The following SLC26A2 variants were observed in gnomAD, a reference collection of about 807,000 sequenced individuals.
SLC26A2 encodes the protein solute carrier family 26 member 2.
Under a neutral mutation model 41.1 loss-of-function variants are expected in SLC26A2, and 36 were observed. That is an observed-to-expected ratio of 0.88 (90% CI 0.67 to 1.16). The LOEUF is 1.16. Ranked by LOEUF, SLC26A2 falls within the 50% of genes most tolerant of loss-of-function variation. The pLI is 0.00. For missense variants in SLC26A2, 796 were observed against 869.6 expected, an observed-to-expected ratio of 0.92 and a Z score of 1.07; for synonymous variants, 291 against 311.6, an observed-to-expected ratio of 0.93 and a Z score of 0.70.
chr5:149,973,453 C>CTG (rs1754938216), intron 1 of SLC26A2, among the ~76,000 whole-genome samples: 1 of 151,834 alleles, frequency 6.6e-6, no homozygotes, highest in Non-Finnish European at 1.5e-5. Flanking sequence ...CTCTCTCTCT[C>CTG]TGTGTGTCTC....
At chr5:149,974,722 CTTTTTTTT>C (rs11440508) in intron 1 of SLC26A2, among the ~76,000 whole-genome samples, 1 of 100,894 alleles carries the variant, frequency 9.9e-6, no homozygotes. Context: ...TGCACCCGGC[CTTTTTTTT>C]TTTTTTTTTT....
rs570256137 is a variant in SLC26A2 at position 149,985,512 on chromosome 5, T to G, written c.*3699T>G. ...GTACGTTTAAACAAAACAGCAGTTC[T>G]CTGCTGCAATATTCCCATTGACCAC... is the stretch of plus-strand genomic sequence containing the variant. On this transcript the variant is annotated 3_prime_UTR_variant, in exon 3 of 3. Coordinates refer to ENST00000286298, the MANE Select transcript of SLC26A2 (RefSeq NM_000112.4). 57 of 152,312 alleles carry G rather than the reference T, an allele frequency of 3.7e-4. No individual in the cohort carries two copies. Among genetic ancestry groups the G allele is most frequent in the Middle Eastern group, 3.4e-3 (1 of 294 alleles). 9.4% of individuals were successfully genotyped at this position (152,312 alleles called of 1,614,324 possible).
chr5:149,968,621 C>T (rs1198679660), intron 1 of SLC26A2, among the ~76,000 whole-genome samples: 1 of 149,962 alleles, frequency 6.7e-6, no homozygotes, highest in Non-Finnish European at 1.5e-5. Flanking sequence ...GGGGTTTCAC[C>T]ATGTTAGCCA....
At position 149,963,450 on chromosome 5, in the gene SLC26A2, T is replaced by C. The variant is rs188649297; in HGVS notation, c.-26+2471T>C. The stretch of plus-strand genomic sequence containing the variant: ...TGTGCCACCACGTCCGGCTAATCTT[T>C]TTATTTTTAGTAGAGACGGGGTTTC... On this transcript the variant is annotated intron_variant, in intron 1 of 2. Coordinates refer to ENST00000286298, the MANE Select transcript of SLC26A2 (RefSeq NM_000112.4). Among the ~76,000 whole-genome samples, 277 of 152,256 alleles carry C rather than the reference T, an allele frequency of 1.8e-3. 1 individual carries two copies. The highest frequency in any genetic ancestry group is 6.4e-3 in the African/African-American group (266 of 41,556).
chr5:149,982,753 G>T lies in SLC26A2; in HGVS notation c.*940G>T, dbSNP rs1755132171. 1.3e-5 allele frequency: 2 copies of T among 152,236 alleles called. No individual in the cohort carries two copies. The highest frequency in any genetic ancestry group is 2.4e-5 in the African/African-American group (1 of 41,534). The allele number at this position is 152,236 out of a possible 1,614,324, so 9.4% of individuals were successfully genotyped here. A position where few individuals can be genotyped will look rare whatever the true frequency, so the allele number is the denominator to read the frequency against. On this transcript the variant is annotated 3_prime_UTR_variant, in exon 3 of 3. Transcript: ENST00000286298. ...ATGAGTTTGATGTACAGTAAATATT[G>T]ATGACAATGACAGCTTTTAACTCTT... is the stretch of plus-strand genomic sequence containing the variant.
Position 149,977,769 on chromosome 5 carries a change from C to G in SLC26A2, c.117C>G (p.Phe39Leu), listed in dbSNP as rs376023150. The G allele has an allele frequency of 1.4e-5, 22 of 1,613,784 alleles. No individual in the cohort carries two copies. Among genetic ancestry groups the G allele is most frequent in the African/African-American group, 1.3e-4 (10 of 74,922 alleles). ...LELQRESSTD[F>L]KQFETNDQCR... ...TTCAAAGGGAATCAAGTACTGACTT[C>G]AAGCAATTTGAGACCAATGATCAAT... Residue 39 changes from phenylalanine to leucine, a missense_variant, in exon 2 of 3, where the codon TTC (phenylalanine) becomes TTG (leucine). Physicochemically the swap from Phe to Leu is conservative, Grantham distance 22 (BLOSUM62 0). Transcript: ENST00000286298.
chr5:149,977,689 C>T lies in SLC26A2; in HGVS notation c.37C>T (p.Pro13Ser). Residue 13 changes from proline (P) to serine (S), a missense_variant, in exon 2 of 3, where the codon CCC (proline) becomes TCC (serine). Transcript: ENST00000286298. ...AAGTAAAGAGCAACATAACGTTTCA[C>T]CCAGAGACTCAGCTGAAGGAAATGA... ...SESKEQHNVSPRDSAEGNDSY... is the reference protein window; with the variant it reads ...SESKEQHNVSSRDSAEGNDSY... The T allele has an allele frequency of 6.2e-7, 1 of 1,613,966 alleles. No individual in the cohort carries two copies. Among genetic ancestry groups the T allele is most frequent in the Non-Finnish European group, 8.5e-7 (1 of 1,179,858 alleles).
intron 1 of SLC26A2, among the ~76,000 whole-genome samples, chr5:149,968,297 T>C (rs1024512016): frequency 6.6e-6 from 1 of 152,228 alleles, no homozygotes; most frequent in Admixed American, 6.5e-5. Context: ...CTAGGTCATA[T>C]AGCAGTGCTG....
chr5:149,962,482 G>A (rs958117189), intron 1 of SLC26A2, among the ~76,000 whole-genome samples: 3 of 151,974 alleles, frequency 2.0e-5, no homozygotes, highest in Non-Finnish European at 4.4e-5. Context: ...GGAACCACAG[G>A]TGCACGCTGC....
At chr5:149,966,882 C>T (rs1324941299) in intron 1 of SLC26A2, among the ~76,000 whole-genome samples, 1 of 152,202 alleles carries the variant, frequency 6.6e-6, no homozygotes, top group Non-Finnish European at 1.5e-5. Context: ...TGCTTAGATA[C>T]TTCCTCCCAA....
intron 1 of SLC26A2, among the ~76,000 whole-genome samples, chr5:149,970,636 G>A (rs993797497): frequency 6.6e-6 from 1 of 152,150 alleles, no homozygotes; most frequent in Non-Finnish European, 1.5e-5. Context: ...AATCAACTTG[G>A]CATGTTCCAG....
Position 149,985,306 on chromosome 5 carries a change from G to T in SLC26A2, c.*3493G>T, listed in dbSNP as rs1036813389. ...CTGATGGTAATAAAACTGACAAGAT[G>T]TCTAATTTTTTTTTAAGTAGGACCA... On this transcript the variant is annotated 3_prime_UTR_variant, in exon 3 of 3. Coordinates refer to ENST00000286298, the MANE Select transcript of SLC26A2 (RefSeq NM_000112.4). 2 of 152,126 alleles carry T rather than the reference G, an allele frequency of 1.3e-5. No individual in the cohort carries two copies. The highest frequency in any genetic ancestry group is 4.8e-5 in the African/African-American group (2 of 41,428). The allele number at this position is 152,126 out of a possible 1,614,324, so 9.4% of individuals were successfully genotyped here.
Position 149,980,705 on chromosome 5 carries a change from C to T in SLC26A2, c.1112C>T (p.Pro371Leu), listed in dbSNP as rs1418899122. 6.2e-7 allele frequency: 1 copy of T among 1,613,924 alleles called. No individual in the cohort carries two copies. Among genetic ancestry groups the T allele is most frequent in the East Asian group, 2.2e-5 (1 of 44,876 alleles). ...AGHIPTGFMPPKVPEWNLIPS... is the reference protein window; with the variant it reads ...AGHIPTGFMPLKVPEWNLIPS... ...CATATTCCCACTGGGTTTATGCCAC[C>T]CAAAGTACCAGAATGGAACCTAATT... Residue 371 changes from proline (P) to leucine (L), a missense_variant, in exon 3 of 3, where the codon CCC (proline) becomes CTC (leucine). Coordinates refer to ENST00000286298, the MANE Select transcript of SLC26A2 (RefSeq NM_000112.4).
chr5:149,964,646 G>A (rs773248219), intron 1 of SLC26A2, among the ~76,000 whole-genome samples: 4 of 151,458 alleles, frequency 2.6e-5, no homozygotes, highest in Admixed American at 6.6e-5. Context: ...GTGTGGTGGC[G>A]GGCACCTGTA....
rs192869161 is a variant in SLC26A2 at position 149,968,742 on chromosome 5, G to A, written c.-26+7763G>A. Among the ~76,000 whole-genome samples the A allele has an allele frequency of 2.9e-4, 37 of 129,148 alleles. No individual in the cohort carries two copies. The East Asian group carries it at 8.3e-3, about 29-fold the overall frequency. 84.7% of individuals were successfully genotyped at this position (129,148 alleles called of 152,430 possible). ...GCCTCAACTGTCTTTTTTTTGAGACGGACTCTCGGTCTGTTGCCGCAGCTG... is the reference window on the plus strand; with the variant it reads ...GCCTCAACTGTCTTTTTTTTGAGACAGACTCTCGGTCTGTTGCCGCAGCTG... On this transcript the variant is annotated intron_variant, in intron 1 of 2. Transcript: ENST00000286298.
rs1230916903 is a variant in SLC26A2 at position 149,983,369 on chromosome 5, AGATTTCTGTCTTATAGGT to A, written c.*1579_*1596del. 2 of 152,162 alleles carry A rather than the reference AGATTTCTGTCTTATAGGT, an allele frequency of 1.3e-5. No individual in the cohort carries two copies. The highest frequency in any genetic ancestry group is 1.9e-4 in the East Asian group (1 of 5,196). 9.4% of individuals were successfully genotyped at this position (152,162 alleles called of 1,614,324 possible). A position where few individuals can be genotyped will look rare whatever the true frequency, so the allele number is the denominator to read the frequency against. On this transcript the variant is annotated 3_prime_UTR_variant, in exon 3 of 3. Transcript: ENST00000286298. ...AAAGCAGTTGCTCAGTAGAAAGTCTAGATTTCTGTCTTATAGGTGATTTCTGTCTTATAGGTGATTATA... is the reference window on the plus strand; with the variant it reads ...AAAGCAGTTGCTCAGTAGAAAGTCTAGATTTCTGTCTTATAGGTGATTATA...
intron 1 of SLC26A2, among the ~76,000 whole-genome samples, chr5:149,961,299 G>A (rs1166763426): frequency 6.6e-6 from 1 of 152,172 alleles, no homozygotes; most frequent in Non-Finnish European, 1.5e-5. Context: ...GATCCGTCTC[G>A]AACCTAGATA....
chr5:149,980,698 A>G lies in SLC26A2; in HGVS notation c.1105A>G (p.Met369Val). The G allele has an allele frequency of 6.2e-7, 1 of 1,614,038 alleles. No individual in the cohort carries two copies. The highest frequency in any genetic ancestry group is 8.5e-7 in the Non-Finnish European group (1 of 1,179,978). The part of the protein sequence containing the change: ...SIAGHIPTGF[M>V]PPKVPEWNLI... ...TGCTGGACATATTCCCACTGGGTTT[A>G]TGCCACCCAAAGTACCAGAATGGAA... is the stretch of plus-strand genomic sequence containing the variant. Residue 369 changes from methionine to valine, a missense_variant, in exon 3 of 3, where the codon ATG (methionine) becomes GTG (valine). Met to Val is a conservative substitution (Grantham distance 21, BLOSUM62 1). Transcript: ENST00000286298.
chr5:149,974,850 C>T (rs1286182953), intron 1 of SLC26A2, among the ~76,000 whole-genome samples: 4 of 150,942 alleles, frequency 2.7e-5, no homozygotes, highest in African/African-American at 9.8e-5. Context: ...CTCGGCCTCG[C>T]GAGTAGCTGG....
Sources: allele counts gnomAD v4.1 joint callset (sites outside exome capture counted in the v4.1 genomes callset), GRCh38; gene constraint gnomAD v4.1.1; transcripts MANE v1.5; gene names NCBI Gene and HGNC (gene_info 2026-07-23, HGNC 2026-07-21).